ZNF585B: variants seen among roughly 807,000 people sequenced by gnomAD.
The protein encoded by ZNF585B is zinc finger protein 585B.
ZNF585B carries 7 observed loss-of-function variants against 14.0 expected under a neutral mutation model. That is an observed-to-expected ratio of 0.50 (90% CI 0.28 to 0.94). ZNF585B has a LOEUF of 0.94. Among genes scored for constraint, ZNF585B ranks in the 40% least tolerant of loss-of-function variants. The pLI, the probability that ZNF585B is intolerant of heterozygous loss-of-function variation, is 0.09. For synonymous variants in ZNF585B, 290 were observed against 317.3 expected (o/e 0.91, Z 0.91); for missense variants, 750 against 924.4 (o/e 0.81, Z 2.45).
At position 37,186,340 on chromosome 19, in the gene ZNF585B, C is replaced by T. The variant is rs778707609; in HGVS notation, c.1197G>A (p.Val399=). ...TTTCTCCTGTATGAATTCTCTGATG[C>T]ACTGTGAGTGCTGACTTCTGAGTGA... The part of the protein sequence containing the change: ...RAFTQKSALT[V]HQRIHTGEKS... Residue 399 remains valine (V), a synonymous_variant, in exon 5 of 5, where the codon GTG becomes GTA. Transcript: ENST00000532828. 1 of 1,614,022 alleles carries T rather than the reference C, an allele frequency of 6.2e-7. No individual in the cohort carries two copies. The highest frequency in any genetic ancestry group is 8.5e-7 in the Non-Finnish European group (1 of 1,179,962).
In ZNF585B at chr19:37,184,452, G is replaced by GAA. The variant is rs1972303302; in HGVS notation, c.*773_*774dup. 5.1e-5 allele frequency: 4 copies of GAA among 78,482 alleles called. No individual in the cohort carries two copies. Among genetic ancestry groups the GAA allele is most frequent in the South Asian group, 5.3e-4 (1 of 1,904 alleles). 4.9% of individuals were successfully genotyped at this position (78,482 alleles called of 1,614,324 possible). On this transcript the variant is annotated 3_prime_UTR_variant, in exon 5 of 5. Transcript: ENST00000532828. The stretch of plus-strand genomic sequence containing the variant: ...AAAAAGAAAGAAAGAAGGAAAGAAA[G>GAA]AAAGAAAGAAAGAAAGAAAGAAAGA...
At chr19:37,196,491 G>A (rs151287249) in intron 2 of ZNF585B, among the ~76,000 whole-genome samples, 564 of 152,262 alleles carry the variant, frequency 3.7e-3, no homozygotes, top group Admixed American at 8.8e-3. Context: ...TGAACCACAT[G>A]GGTTTGAACT....
At chr19:37,202,640 G>GTTTTTT (rs74179495) in intron 2 of ZNF585B, among the ~76,000 whole-genome samples, 2 of 137,772 alleles carry the variant, frequency 1.5e-5, no homozygotes, top group African/African-American at 2.6e-5. Flanking sequence ...TATTTGCATG[G>GTTTTTT]TTTTTTTTTT....
Position 37,182,176 on chromosome 19 carries a change from GC to G in ZNF585B, c.*3050del, listed in dbSNP as rs1972273853. The G allele has an allele frequency of 6.6e-6, 1 of 152,094 alleles. No homozygotes were observed. Among genetic ancestry groups the G allele is most frequent in the African/African-American group, 2.4e-5 (1 of 41,412 alleles). The allele number at this position is 152,094 out of a possible 1,614,324, so 9.4% of individuals were successfully genotyped here. On this transcript the variant is annotated 3_prime_UTR_variant, in exon 5 of 5. Coordinates refer to ENST00000532828, the MANE Select transcript of ZNF585B (RefSeq NM_152279.4). Reference sequence around the variant, plus strand: ...AAAAACTAGTCTTTTATATAAATGGGCATACATATACATATATATGTCAGCA... The same window carrying G: ...AAAAACTAGTCTTTTATATAAATGGGATACATATACATATATATGTCAGCA...
Position 37,207,331 on chromosome 19 carries a change from C to T in ZNF585B, c.-143-77G>A, listed in dbSNP as rs1422971387. On this transcript the variant is annotated intron_variant, in intron 1 of 4. Coordinates refer to ENST00000532828, the MANE Select transcript of ZNF585B (RefSeq NM_152279.4). ...CCTGGATACACCAAGGTGCAGGTCC[C>T]TGCGCTAGAAACCAGAGCAGTGGTT... 19 of 1,158,934 alleles carry T rather than the reference C, an allele frequency of 1.6e-5. No homozygotes were observed. In the South Asian group the frequency reaches 3.6e-4, roughly 22 times the overall value. 71.8% of individuals were successfully genotyped at this position (1,158,934 alleles called of 1,614,324 possible). A position where few individuals can be genotyped will look rare whatever the true frequency, so the allele number is the denominator to read the frequency against.
chr19:37,198,833 T>C (rs1019797701), intron 2 of ZNF585B: 7 of 521,696 alleles, frequency 1.3e-5, no homozygotes, highest in Admixed American at 3.2e-5. Context: ...TGTATAGAGG[T>C]CACTGGATTC....
Position 37,185,405 on chromosome 19 carries a change from A to T in ZNF585B, c.2132T>A (p.Ile711Asn), listed in dbSNP as rs1354261955. 6.2e-7 allele frequency: 1 copy of T among 1,614,012 alleles called. No individual in the cohort carries two copies. ...CACGTAAGGCTTCTCTCCAGTGTGA[A>T]TTCGCTGATGCACTTGGAGCTGTGA... ...KKSQLQVHQR[I>N]HTGEKPYVCA... Residue 711 changes from isoleucine to asparagine, a missense_variant, in exon 5 of 5, where the codon ATT becomes AAT. By Grantham distance (149) the Ile-to-Asn change is moderately radical. Around this residue, in one of 2 missense-constraint regions of ZNF585B, gnomAD observed 233 missense variants for 354.1 expected, o/e 0.66. Transcript: ENST00000532828.
intron 4 of ZNF585B, chr19:37,189,425 T>C (rs146261383): frequency 8.7e-4 from 440 of 503,404 alleles, no homozygotes; most frequent in East Asian, 1.6e-3. Context: ...AAAAGGAATA[T>C]AATAAAGATT....
chr19:37,193,555 A>G (rs956699632), intron 2 of ZNF585B, among the ~76,000 whole-genome samples: 1 of 151,720 alleles, frequency 6.6e-6, no homozygotes, highest in African/African-American at 2.4e-5. Context: ...AAGTGGGTGG[A>G]TTGCTTGAGC....
At chr19:37,193,149 AC>A (rs1195368848) in intron 2 of ZNF585B, among the ~76,000 whole-genome samples, 1 of 151,230 alleles carries the variant, frequency 6.6e-6, no homozygotes, top group East Asian at 2.0e-4. Context: ...ACAAAACAAA[AC>A]AAAAAAAAAC....
At position 37,186,000 on chromosome 19, in the gene ZNF585B, G is replaced by A; in HGVS notation, c.1537C>T (p.Gln513Ter). The change falls in exon 5 of 5, where the codon CAG becomes TAG. Residue 513 changes from glutamine (Q) to a stop codon, truncating the protein, a stop_gained. Coordinates refer to ENST00000532828, the MANE Select transcript of ZNF585B (RefSeq NM_152279.4). LOFTEE classifies it low-confidence loss of function (END_TRUNC). Reference protein sequence around the residue: ...FTQRSDLITHQRIHTGEKPYE... With the variant: ...FTQRSDLITH ...GGCTTCTCCCCAGTATGGATTCTCT[G>A]ATGTGTAATCAAGTCTGACCTCTGG... 1 of 1,613,938 alleles carries A rather than the reference G, an allele frequency of 6.2e-7. No individual in the cohort carries two copies. The highest frequency in any genetic ancestry group is 8.5e-7 in the Non-Finnish European group (1 of 1,179,988).
chr19:37,208,290 G>GCTC (rs1972608486), intron 1 of ZNF585B, among the ~76,000 whole-genome samples: 1 of 152,042 alleles, frequency 6.6e-6, no homozygotes, highest in Non-Finnish European at 1.5e-5. Context: ...CTATTAAGTA[G>GCTC]ACAAATTCCA....
Position 37,187,241 on chromosome 19 carries a change from T to C in ZNF585B, c.296A>G (p.Glu99Gly). ...GERPRHSCPG[E>G]KLWDHNQHRK... is the part of the protein sequence containing the mutation. ...ATGTTGATTATGGTCCCATAATTTC[T>C]CTCCTGTTGGAGTACATTCACAGTA... Residue 99 changes from glutamate to glycine, a missense_variant, in exon 5 of 5, where the codon GAG (glutamate) becomes GGG (glycine). Transcript: ENST00000532828. 1 of 1,600,258 alleles carries C rather than the reference T, an allele frequency of 6.2e-7. No individual in the cohort carries two copies. Among genetic ancestry groups the C allele is most frequent in the South Asian group, 1.1e-5 (1 of 88,650 alleles).
Position 37,190,077 on chromosome 19 carries a change from C to A in ZNF585B, c.146G>T (p.Arg49Ile), listed in dbSNP as rs1972382697. ...CAGCATCACATCCCGGTACAGGTTT[C>A]TCTGAGAAAGGTCCAGGTGCCGCCA... ...EEWRHLDLSQ[R>I]NLYRDVMLET... Residue 49 changes from arginine (R) to isoleucine (I), a missense_variant, in exon 3 of 5, where the codon AGA (arginine) becomes ATA (isoleucine). Coordinates refer to ENST00000532828, the MANE Select transcript of ZNF585B (RefSeq NM_152279.4). The A allele has an allele frequency of 6.2e-7, 1 of 1,614,118 alleles. No individual in the cohort carries two copies.
rs747765990 is a variant in ZNF585B at position 37,185,627 on chromosome 19, G to T, written c.1910C>A (p.Ala637Asp). 24 of 1,613,728 alleles carry T rather than the reference G, an allele frequency of 1.5e-5. No individual in the cohort carries two copies. In the South Asian group the frequency reaches 2.4e-4, roughly 16 times the overall value. ...VHTGEKPYVC[A>D]ECGKAFSGRS... ...GCCACTAAAGGCTTTCCCACACTCG[G>T]CACACACATAGGGTTTCTCTCCTGT... The change falls in exon 5 of 5, where the codon GCC becomes GAC. Residue 637 changes from alanine to aspartate, a missense_variant. By Grantham distance (126) the Ala-to-Asp change is moderately radical (BLOSUM62 -2). Around this residue, in one of 2 missense-constraint regions of ZNF585B, gnomAD observed 233 missense variants for 354.1 expected, o/e 0.66. Transcript: ENST00000532828.
intron 4 of ZNF585B, 33 bp from the exon 5 acceptor site, chr19:37,187,277 G>A: frequency 6.8e-7 from 1 of 1,468,632 alleles, no homozygotes. Flanking sequence ...AGTATAGAAA[G>A]ACATTTTACC....
At chr19:37,208,451 C>A (rs1421781485) in intron 1 of ZNF585B, among the ~76,000 whole-genome samples, 5 of 151,778 alleles carry the variant, frequency 3.3e-5, no homozygotes, top group Non-Finnish European at 7.4e-5. Context: ...CAGAAAAAAA[C>A]AGGTATTTCT....
chr19:37,184,998 T>A lies in ZNF585B; in HGVS notation c.*229A>T. 2 of 478,054 alleles carry A rather than the reference T, an allele frequency of 4.2e-6. No homozygotes were observed. Among genetic ancestry groups the A allele is most frequent in the East Asian group, 6.2e-5 (2 of 32,430 alleles). The allele number at this position is 478,054 out of a possible 1,614,324, so 29.6% of individuals were successfully genotyped here. A position where few individuals can be genotyped will look rare whatever the true frequency, so the allele number is the denominator to read the frequency against. ...TTCCTATTCACCAAATTGACTCGGT[T>A]CCTTGTCAGTATGAATAATGACCCA... On this transcript the variant is annotated 3_prime_UTR_variant, in exon 5 of 5. Transcript: ENST00000532828.
chr19:37,190,279 T>C (rs1397645434), intron 2 of ZNF585B, 129 bp from the exon 3 acceptor site: 1 of 1,373,308 alleles, frequency 7.3e-7, no homozygotes, highest in Non-Finnish European at 9.7e-7. Context: ...ACAGTCTTGC[T>C]CTGTTCCCCA....
Sources: gnomAD v4.1 joint callset for allele counts (sites outside exome capture counted in the v4.1 genomes callset) on GRCh38, gnomAD v4.1.1 for gene constraint, gnomAD v4.1.1 regional missense constraint, MANE v1.5 for transcripts, NCBI Gene and HGNC (gene_info 2026-07-23, HGNC 2026-07-21) for gene names.